Variants in NDUFAF6 observed in about 807,000 individuals in gnomAD.
NDUFAF6 encodes NADH:ubiquinone oxidoreductase complex assembly factor 6, also known as NADH dehydrogenase (ubiquinone) complex I, assembly factor 6.
A neutral mutation model predicts 40.8 loss-of-function variants in NDUFAF6; 45 were observed. The ratio of observed to expected loss-of-function variants is 1.10; its 90% CI spans 0.87 to 1.42. The LOEUF (loss-of-function observed/expected upper bound fraction) is 1.42. Among genes scored for constraint, NDUFAF6 ranks in the 40% most tolerant of loss-of-function variants. NDUFAF6 has a pLI of 0.00. For missense variants in NDUFAF6, 435 were observed against 418.5 expected (o/e 1.04, Z -0.34); for synonymous variants, 185 against 155.9 (o/e 1.19, Z -1.39).
intron 1 of NDUFAF6, among the ~76,000 whole-genome samples, chr8:94,964,300 A>G (rs1387408077): frequency 6.6e-6 from 1 of 151,988 alleles, no homozygotes; most frequent in African/African-American, 2.4e-5. Context: ...ATGATGGCAC[A>G]TGCCTGTAGT....
intron 5 of NDUFAF6, among the ~76,000 whole-genome samples, chr8:95,046,687 A>G (rs893407675): frequency 6.6e-6 from 1 of 152,218 alleles, no homozygotes; most frequent in Non-Finnish European, 1.5e-5. Flanking sequence ...AATTGCACAG[A>G]GGAGAAGAAA....
At chr8:94,964,168 C>T (rs779380812) in intron 1 of NDUFAF6, among the ~76,000 whole-genome samples, 16 of 152,092 alleles carry the variant, frequency 1.1e-4, no homozygotes, top group Non-Finnish European at 1.9e-4. Context: ...TGGCTCATGC[C>T]TGTAATCGCA....
downstream of NDUFAF6, among the ~76,000 whole-genome samples, chr8:95,117,627 T>C (rs1003648148): frequency 1.3e-5 from 2 of 152,202 alleles, no homozygotes; most frequent in Admixed American, 1.3e-4. Flanking sequence ...TCATTTTTTC[T>C]CCTTCCTGGG....
At chr8:94,956,874 A>G (rs1215198025), upstream of NDUFAF6, among the ~76,000 whole-genome samples, 1 of 152,162 alleles carries the variant, frequency 6.6e-6, no homozygotes, top group Non-Finnish European at 1.5e-5. Context: ...TAATGATACT[A>G]TTAAAGGGAA....
At chr8:95,055,629 A>C (rs1158700115) in intron 8 of NDUFAF6, among the ~76,000 whole-genome samples, 1 of 152,224 alleles carries the variant, frequency 6.6e-6, no homozygotes, top group Admixed American at 6.5e-5. Context: ...AGCAAGTTAC[A>C]GAACATGAAA....
At chr8:94,931,652 A>G (rs978109685) in intron 1 of NDUFAF6, among the ~76,000 whole-genome samples, 3 of 152,062 alleles carry the variant, frequency 2.0e-5, no homozygotes, top group Non-Finnish European at 4.4e-5. Context: ...CCACAATAAG[A>G]AACTAATAGA....
chr8:95,001,550 G>A (rs920467489), intron 2 of NDUFAF6, among the ~76,000 whole-genome samples: 2 of 152,144 alleles, frequency 1.3e-5, no homozygotes, highest in African/African-American at 4.8e-5. Flanking sequence ...CCAGGTAACT[G>A]AGGACATTGA....
chr8:94,902,169 A>G (rs1818063286), intron 1 of NDUFAF6, among the ~76,000 whole-genome samples: 1 of 152,200 alleles, frequency 6.6e-6, no homozygotes, highest in Non-Finnish European at 1.5e-5. Flanking sequence ...CTGTAATACC[A>G]GCACTTTGAG....
intron 1 of NDUFAF6, among the ~76,000 whole-genome samples, chr8:94,913,743 G>C (rs1015066752): frequency 6.6e-6 from 1 of 152,212 alleles, no homozygotes; most frequent in African/African-American, 2.4e-5. Context: ...AGGCTTCAGT[G>C]AGCTCCCATC....
chr8:94,912,812 CAA>C lies in NDUFAF6; in HGVS notation c.-936+16901_-936+16902del, dbSNP rs11294663. ...TGGGCGACAGAGCAAGACTCCGTCT[CAA>C]AAAAAAAAAAAAAAATTAGCTGGGC... On this transcript the variant is annotated intron_variant, in intron 1 of 14. Coordinates refer to the NDUFAF6 transcript ENST00000396113. Among the ~76,000 whole-genome samples the C allele has an allele frequency of 4.4e-3, 521 of 118,112 alleles. 2 individuals are homozygous for C. The highest frequency in any genetic ancestry group is 8.2e-3 in the African/African-American group (253 of 30,818). 77.5% of individuals were successfully genotyped at this position (118,112 alleles called of 152,430 possible).
At chr8:95,106,887 T>A (rs1250124745), downstream of NDUFAF6, among the ~76,000 whole-genome samples, 1 of 152,190 alleles carries the variant, frequency 6.6e-6, no homozygotes, top group Non-Finnish European at 1.5e-5. Flanking sequence ...GAAAAAAAGT[T>A]CATCAACACT....
chr8:94,986,922 C>G (rs1825938470), intron 2 of NDUFAF6, among the ~76,000 whole-genome samples: 1 of 152,128 alleles, frequency 6.6e-6, no homozygotes, highest in Non-Finnish European at 1.5e-5. Flanking sequence ...TTTATGTGGG[C>G]TATGCCTATC....
chr8:95,031,993 A>G lies in NDUFAF6; in HGVS notation c.198-2A>G, dbSNP rs754419664. The G allele has an allele frequency of 1.9e-6, 3 of 1,613,470 alleles. No homozygotes were observed. The highest frequency in any genetic ancestry group is 2.2e-5 in the South Asian group (2 of 91,084). ...ACTGTCTTTTTTTTCTGTCTGTTAC[A>G]GGAAACGGGATTATGAAGGTTATTT... On this transcript the variant is annotated splice_acceptor_variant, in intron 1 of 8. Transcript: ENST00000396124. LOFTEE classifies it high-confidence loss of function.
intron 3 of NDUFAF6, among the ~76,000 whole-genome samples, chr8:95,038,929 A>G (rs940699643): frequency 1.3e-5 from 2 of 149,596 alleles, no homozygotes; most frequent in Admixed American, 6.7e-5. Flanking sequence ...TCGGCCTCCC[A>G]AAGTGCTGGG....
At chr8:95,026,287 G>A (rs1185946989) in intron 1 of NDUFAF6, among the ~76,000 whole-genome samples, 1 of 152,078 alleles carries the variant, frequency 6.6e-6, no homozygotes, top group Non-Finnish European at 1.5e-5. Context: ...GGCCAACATG[G>A]CGAAACCCCA....
chr8:94,938,726 G>A (rs1353661493), intron 1 of NDUFAF6, among the ~76,000 whole-genome samples: 3 of 152,228 alleles, frequency 2.0e-5, no homozygotes, highest in Non-Finnish European at 4.4e-5. Flanking sequence ...GGTGCACAGA[G>A]GGCATGGGCC....
At position 95,048,547 on chromosome 8, in the gene NDUFAF6, C is replaced by T. The variant is rs768273248; in HGVS notation, c.805C>T (p.His269Tyr). 3.1e-6 allele frequency: 5 copies of T among 1,613,680 alleles called. No homozygotes were observed. Among genetic ancestry groups the T allele is most frequent in the Non-Finnish European group, 4.2e-6 (5 of 1,179,590 alleles). ...TGACATTGCCAGTCAAGCACACTTGCACCTAAAGCATGTAAGTCGGCTTTT... is the reference window on the plus strand; with the variant it reads ...TGACATTGCCAGTCAAGCACACTTGTACCTAAAGCATGTAAGTCGGCTTTT... ...IYDIASQAHL[H>Y]LKHARSFHKT... is the part of the protein sequence containing the mutation. Residue 269 changes from histidine to tyrosine, a missense_variant, in exon 7 of 9, where the codon CAC becomes TAC. By Grantham distance (83) the His-to-Tyr change is moderately conservative. Coordinates refer to ENST00000396124, the MANE Select transcript of NDUFAF6 (RefSeq NM_152416.4).
Position 95,034,196 on chromosome 8 carries a change from A to G in NDUFAF6, c.298-1258A>G, listed in dbSNP as rs564269121. On this transcript the variant is annotated intron_variant, in intron 2 of 8. Coordinates refer to ENST00000396124, the MANE Select transcript of NDUFAF6 (RefSeq NM_152416.4). Reference sequence around the variant, plus strand: ...CCCATTTGCGTTATTCTGTCTACATATGTATATATACACATTTCTCTTTTT... The same window carrying G: ...CCCATTTGCGTTATTCTGTCTACATGTGTATATATACACATTTCTCTTTTT... The G allele has an allele frequency of 3.7e-5, 15 of 402,438 alleles. No individual in the cohort carries two copies. The East Asian group carries it at 1.0e-3, about 27-fold the overall frequency. The allele number at this position is 402,438 out of a possible 1,614,324, so 24.9% of individuals were successfully genotyped here.
chr8:95,088,290 A>G (rs1809115892), intron 2 of NDUFAF6, among the ~76,000 whole-genome samples: 1 of 152,166 alleles, frequency 6.6e-6, no homozygotes, highest in Non-Finnish European at 1.5e-5. Context: ...AGATATGCCC[A>G]TTGGATGGGG....
Sources: allele counts gnomAD v4.1 joint callset (sites outside exome capture counted in the v4.1 genomes callset), GRCh38; gene constraint gnomAD v4.1.1; transcripts MANE v1.5; gene names NCBI Gene and HGNC (gene_info 2026-07-23, HGNC 2026-07-21).